Variants in USP15 observed in about 807,000 individuals in gnomAD.
USP15 encodes the protein ubiquitin carboxyl-terminal hydrolase 15.
A neutral mutation model predicts 127.1 loss-of-function variants in USP15; 18 were observed. The ratio of observed to expected loss-of-function variants is 0.14; its 90% CI spans 0.10 to 0.21. The LOEUF is 0.21. Among genes scored for constraint, USP15 ranks in the 10% least tolerant of loss-of-function variants. The pLI is 1.00. For synonymous variants in USP15, 364 were observed against 393.7 expected (o/e 0.92, Z 0.89); for missense variants, 805 against 1,159.9 (o/e 0.69, Z 4.44).
At position 62,408,225 on chromosome 12, in the gene USP15, G is replaced by C. The variant is rs933507926; in HGVS notation, c.*3850G>C. On this transcript the variant is annotated 3_prime_UTR_variant, in exon 22 of 22. Coordinates refer to ENST00000280377, the MANE Select transcript of USP15 (RefSeq NM_001252078.2). Reference sequence around the variant, plus strand: ...AGGAGGAATATATTAGACTGATAACGTTTAAGTCTGATGTATGGTGACAAG... The same window carrying C: ...AGGAGGAATATATTAGACTGATAACCTTTAAGTCTGATGTATGGTGACAAG... The C allele has an allele frequency of 6.6e-6, 1 of 151,930 alleles. No individual in the cohort carries two copies. Among genetic ancestry groups the C allele is most frequent in the African/African-American group, 2.4e-5 (1 of 41,358 alleles). The allele number at this position is 151,930 out of a possible 1,614,324, so 9.4% of individuals were successfully genotyped here. A position where few individuals can be genotyped will look rare whatever the true frequency, so the allele number is the denominator to read the frequency against.
At chr12:62,386,774 G>T (rs1035450633) in intron 11 of USP15, among the ~76,000 whole-genome samples, 1 of 152,060 alleles carries the variant, frequency 6.6e-6, no homozygotes, top group African/African-American at 2.4e-5. Context: ...ATATTATATG[G>T]CCACAATTAT....
intron 8 of USP15, among the ~76,000 whole-genome samples, chr12:62,381,109 T>G (rs1257271632): frequency 6.6e-6 from 1 of 152,088 alleles, no homozygotes; most frequent in Non-Finnish European, 1.5e-5. Context: ...CTATCTCAGT[T>G]TTTACCTACT....
intron 6 of USP15, among the ~76,000 whole-genome samples, chr12:62,345,792 A>G (rs1592636878): frequency 1.3e-5 from 2 of 152,276 alleles, no homozygotes; most frequent in African/African-American, 4.8e-5. Flanking sequence ...GGAGCAAGTC[A>G]TGTCTTACAT....
intron 3 of USP15, among the ~76,000 whole-genome samples, chr12:62,307,662 T>C (rs2064525944): frequency 6.6e-6 from 1 of 151,976 alleles, no homozygotes; most frequent in Non-Finnish European, 1.5e-5. Flanking sequence ...AATTCGTGAG[T>C]TTTAAATTGT....
At chr12:62,314,943 A>G in intron 4 of USP15, 27 bp downstream of exon 4, 1 of 1,528,138 alleles carries the variant, frequency 6.5e-7, no homozygotes. Context: ...TCTTGTTTTT[A>G]ATCCATTGCT....
intron 8 of USP15, among the ~76,000 whole-genome samples, chr12:62,375,763 C>CT (rs1415347306): frequency 6.6e-6 from 1 of 152,122 alleles, no homozygotes; most frequent in African/African-American, 2.4e-5. Flanking sequence ...TTCGAGTACT[C>CT]TTATTACTTG....
chr12:62,376,966 G>A (rs768603274), intron 8 of USP15, among the ~76,000 whole-genome samples: 2 of 152,016 alleles, frequency 1.3e-5, no homozygotes, highest in Admixed American at 6.6e-5. Flanking sequence ...TTTTTTTATA[G>A]TAGAAGAATC....
At chr12:62,370,901 C>T (rs1336066371) in intron 8 of USP15, among the ~76,000 whole-genome samples, 1 of 152,146 alleles carries the variant, frequency 6.6e-6, no homozygotes, top group African/African-American at 2.4e-5. Flanking sequence ...TAGGTACAAC[C>T]CAGTAACCCA....
intron 1 of USP15, among the ~76,000 whole-genome samples, chr12:62,287,832 A>AT (rs1186441355): frequency 2.0e-5 from 3 of 152,136 alleles, no homozygotes; most frequent in Non-Finnish European, 4.4e-5. Flanking sequence ...TCCCTGTACC[A>AT]TTTATTGAAT....
chr12:62,314,824 A>C lies in USP15; in HGVS notation c.383A>C (p.Lys128Thr). The change falls in exon 4 of 22, where the codon AAA becomes ACA. Residue 128 changes from lysine (K) to threonine (T), a missense_variant. Lys to Thr is a moderately conservative substitution (Grantham distance 78). Around this residue, in one of 11 missense-constraint regions of USP15, gnomAD observed 69 missense variants for 126.4 expected, o/e 0.55. Transcript: ENST00000280377. ...CAGGGTATGTTTGTAAAGCACTGCAAAGTAGAAGTATATCTCACAGAATTG... is the reference window on the plus strand; with the variant it reads ...CAGGGTATGTTTGTAAAGCACTGCACAGTAGAAGTATATCTCACAGAATTG... ...VEQGMFVKHC[K>T]VEVYLTELKL... The C allele has an allele frequency of 6.3e-7, 1 of 1,592,604 alleles. No homozygotes were observed. Among genetic ancestry groups the C allele is most frequent in the Non-Finnish European group, 8.6e-7 (1 of 1,169,446 alleles).
At chr12:62,357,419 C>T (rs1242841204) in intron 8 of USP15, among the ~76,000 whole-genome samples, 5 of 152,000 alleles carry the variant, frequency 3.3e-5, no homozygotes, top group Admixed American at 3.3e-4. Flanking sequence ...TTCATTTTTG[C>T]TTCTATTCAA....
chr12:62,299,050 A>G (rs1179132564), intron 2 of USP15, among the ~76,000 whole-genome samples: 2 of 151,926 alleles, frequency 1.3e-5, no homozygotes, highest in African/African-American at 2.4e-5. Flanking sequence ...ACAACTACTA[A>G]TCTCCTTTGT....
intron 1 of USP15, among the ~76,000 whole-genome samples, chr12:62,280,185 A>G (rs2063608650): frequency 6.6e-6 from 1 of 152,196 alleles, no homozygotes; most frequent in South Asian, 2.1e-4. Context: ...TAATATGTTA[A>G]TAATTAATAA....
In USP15 at chr12:62,414,286, T is replaced by C. The variant is rs1359391092; in HGVS notation, c.*9911T>C. ...TTGTTTGTAAAAAAACAAAAACAAT[T>C]ATCTTCAAAGCATGATAATAAAGTG... is the stretch of plus-strand genomic sequence containing the variant. On this transcript the variant is annotated 3_prime_UTR_variant, in exon 22 of 22. Transcript: ENST00000280377. 1 of 152,222 alleles carries C rather than the reference T, an allele frequency of 6.6e-6. No individual in the cohort carries two copies. The highest frequency in any genetic ancestry group is 1.5e-5 in the Non-Finnish European group (1 of 68,034). The allele number at this position is 152,222 out of a possible 1,614,324, so 9.4% of individuals were successfully genotyped here. A position where few individuals can be genotyped will look rare whatever the true frequency, so the allele number is the denominator to read the frequency against.
At chr12:62,270,001 G>A (rs1392291595) in intron 1 of USP15, among the ~76,000 whole-genome samples, 1 of 152,042 alleles carries the variant, frequency 6.6e-6, no homozygotes, top group Admixed American at 6.6e-5. Flanking sequence ...GCCACCAGCA[G>A]TGTATGAGGG....
At chr12:62,312,327 CTT>C (rs755270699) in intron 3 of USP15, 9 of 338,400 alleles carry the variant, frequency 2.7e-5, no homozygotes, top group Admixed American at 9.8e-5. Context: ...TTCCATGAAA[CTT>C]TTCATACACA....
intron 6 of USP15, among the ~76,000 whole-genome samples, chr12:62,345,062 T>TC (rs1211530800): frequency 3.9e-5 from 6 of 152,190 alleles, no homozygotes; most frequent in African/African-American, 1.4e-4. Context: ...ATTTGGCTGC[T>TC]CGGTACTTTT....
intron 3 of USP15, 36 bp downstream of exon 3, chr12:62,302,956 T>G (rs777917562): frequency 1.3e-6 from 2 of 1,582,300 alleles, no homozygotes; most frequent in Non-Finnish European, 1.7e-6. Context: ...AAATATTATT[T>G]TTCTTGATTA....
At position 62,300,341 on chromosome 12, in the gene USP15, G is replaced by T. The variant is rs1432755219; in HGVS notation, c.218-2449G>T. Among the ~76,000 whole-genome samples the T allele has an allele frequency of 3.3e-5, 5 of 152,150 alleles. No homozygotes were observed. The East Asian group carries it at 5.8e-4, about 18-fold the overall frequency. Reference sequence around the variant, plus strand: ...AGTTTTGTATATGGTGTGCAGTAGTGTTCTAACTTCATCCTTTTGCATGTG... The same window carrying T: ...AGTTTTGTATATGGTGTGCAGTAGTTTTCTAACTTCATCCTTTTGCATGTG... On this transcript the variant is annotated intron_variant, in intron 2 of 21. Transcript: ENST00000280377.
Sources: allele counts gnomAD v4.1 joint callset (sites outside exome capture counted in the v4.1 genomes callset), GRCh38; gene constraint gnomAD v4.1.1; regional missense constraint gnomAD v4.1.1; transcripts MANE v1.5; gene names NCBI Gene and HGNC (gene_info 2026-07-23, HGNC 2026-07-21).